The following CADM2 variants were observed in gnomAD, a reference collection of about 807,000 sequenced individuals.
CADM2 encodes immunoglobulin superfamily member 4D.
In CADM2, 12 loss-of-function variants were observed where a neutral mutation model predicts 49.8. The ratio of observed to expected loss-of-function variants is 0.24; its 90% CI spans 0.15 to 0.39. CADM2 has a LOEUF of 0.39. Ranked by LOEUF, CADM2 falls within the 10% of genes least tolerant of loss-of-function variation. The pLI, the probability that CADM2 is intolerant of heterozygous loss-of-function variation, is 1.00. For synonymous variants in CADM2, 214 were observed against 175.4 expected (o/e 1.22, Z -1.74); for missense variants, 378 against 492.3 (o/e 0.77, Z 2.20).
intron 1 of CADM2, among the ~76,000 whole-genome samples, chr3:84,993,683 G>T (rs1348957962): frequency 6.6e-6 from 1 of 152,152 alleles, no homozygotes; most frequent in Admixed American, 6.5e-5. Flanking sequence ...GATATGAACT[G>T]TTGTATTTCT....
intron 1 of CADM2, among the ~76,000 whole-genome samples, chr3:85,333,555 T>C (rs987399936): frequency 2.0e-5 from 3 of 151,798 alleles, no homozygotes; most frequent in Admixed American, 2.0e-4. Flanking sequence ...TGTTTGCACA[T>C]TAAATGAAGA....
intron 1 of CADM2, among the ~76,000 whole-genome samples, chr3:85,488,973 A>G (rs1180390121): frequency 2.6e-5 from 4 of 152,066 alleles, no homozygotes; most frequent in African/African-American, 4.8e-5. Context: ...CATCACTACT[A>G]AAATTATTTT....
chr3:85,610,000 G>A (rs1267815900), intron 1 of CADM2, among the ~76,000 whole-genome samples: 5 of 151,656 alleles, frequency 3.3e-5, no homozygotes, highest in South Asian at 2.1e-4. Context: ...TAATATTTCC[G>A]CTGTATTTAT....
At chr3:85,832,188 TG>T (rs2074216090) in intron 3 of CADM2, among the ~76,000 whole-genome samples, 3 of 151,958 alleles carry the variant, frequency 2.0e-5, no homozygotes, top group Admixed American at 2.0e-4. Flanking sequence ...CATTGCTGTG[TG>T]TGTCTGTTTT....
At chr3:85,476,930 A>G (rs904690294) in intron 1 of CADM2, among the ~76,000 whole-genome samples, 1 of 144,002 alleles carries the variant, frequency 6.9e-6, no homozygotes, top group Non-Finnish European at 1.5e-5. Flanking sequence ...ACACACACAG[A>G]TCTATTTTCT....
intron 8 of CADM2, among the ~76,000 whole-genome samples, chr3:85,983,583 A>G (rs1378480612): frequency 1.3e-5 from 2 of 151,758 alleles, no homozygotes; most frequent in African/African-American, 4.8e-5. Context: ...CGTTTTAGTA[A>G]AACAAACATG....
At chr3:85,120,680 G>T (rs1173189050) in intron 1 of CADM2, among the ~76,000 whole-genome samples, 2 of 152,148 alleles carry the variant, frequency 1.3e-5, no homozygotes, top group African/African-American at 4.8e-5. Flanking sequence ...CCTCCTGGGG[G>T]GTAGGGGGCC....
At chr3:86,019,816 G>A (rs1307257228) in intron 8 of CADM2, among the ~76,000 whole-genome samples, 8 of 151,964 alleles carry the variant, frequency 5.3e-5, no homozygotes, top group Admixed American at 1.3e-4. Flanking sequence ...CAATCATGTC[G>A]TCTGCAAACA....
chr3:85,961,452 A>G lies in CADM2; in HGVS notation c.792-17A>G. 1 of 1,554,444 alleles carries G rather than the reference A, an allele frequency of 6.4e-7. No individual in the cohort carries two copies. Among genetic ancestry groups the G allele is most frequent in the Non-Finnish European group, 8.8e-7 (1 of 1,141,424 alleles). ...TTTCTTATTTTTGCTATCTACATGC[A>G]TGTTTCAATCCAATAGGCCAGAACC... On this transcript the variant is annotated splice_polypyrimidine_tract_variant and intron_variant, in intron 7 of 9. Coordinates refer to ENST00000383699, the MANE Select transcript of CADM2 (RefSeq NM_001167675.2).
At chr3:85,628,517 A>ATG (rs1379131332) in intron 1 of CADM2, among the ~76,000 whole-genome samples, 1 of 148,844 alleles carries the variant, frequency 6.7e-6, no homozygotes, top group East Asian at 2.0e-4. Context: ...ATATACATAT[A>ATG]TATATATACA....
At chr3:85,860,714 A>G (rs909784668) in intron 3 of CADM2, among the ~76,000 whole-genome samples, 1 of 152,178 alleles carries the variant, frequency 6.6e-6, no homozygotes, top group Non-Finnish European at 1.5e-5. Context: ...TCCTAGCTCC[A>G]AAAGTCATCC....
chr3:85,621,730 A>G (rs896291265), intron 1 of CADM2, among the ~76,000 whole-genome samples: 3 of 152,136 alleles, frequency 2.0e-5, no homozygotes, highest in Non-Finnish European at 4.4e-5. Context: ...TGGATAATGA[A>G]CACACGGTTT....
intron 1 of CADM2, among the ~76,000 whole-genome samples, chr3:85,514,236 A>G (rs972123768): frequency 6.6e-6 from 1 of 152,050 alleles, no homozygotes; most frequent in Non-Finnish European, 1.5e-5. Context: ...CACATTACAC[A>G]AAGAGTTGTA....
chr3:84,983,817 G>A (rs2032358868), intron 1 of CADM2, among the ~76,000 whole-genome samples: 1 of 151,884 alleles, frequency 6.6e-6, no homozygotes, highest in African/African-American at 2.4e-5. Context: ...TTCATTCTTG[G>A]AATTTCAATA....
At chr3:85,709,873 A>C (rs1350142399) in intron 1 of CADM2, among the ~76,000 whole-genome samples, 2 of 152,128 alleles carry the variant, frequency 1.3e-5, no homozygotes, top group African/African-American at 4.8e-5. Context: ...TGAGGTTTTA[A>C]GGAGGAGTAG....
chr3:85,609,867 A>G (rs1306237032), intron 1 of CADM2, among the ~76,000 whole-genome samples: 1 of 152,060 alleles, frequency 6.6e-6, no homozygotes, highest in Non-Finnish European at 1.5e-5. Context: ...TTTAGAAGGA[A>G]AATCAAAAGA....
intron 1 of CADM2, among the ~76,000 whole-genome samples, chr3:85,068,781 AT>A (rs5850664): frequency 1.7e-4 from 25 of 149,164 alleles, no homozygotes; most frequent in East Asian, 3.9e-4. Flanking sequence ...TATTTATTTA[AT>A]TTTTTTTTTG....
At chr3:85,989,906 A>C (rs1419329457) in intron 8 of CADM2, among the ~76,000 whole-genome samples, 1 of 147,486 alleles carries the variant, frequency 6.8e-6, no homozygotes, top group Admixed American at 6.8e-5. Flanking sequence ...CCAGCTACTC[A>C]GGAGGCTGAG....
chr3:85,452,768 A>G (rs559095252), intron 1 of CADM2, among the ~76,000 whole-genome samples: 1 of 152,288 alleles, frequency 6.6e-6, no homozygotes, highest in Admixed American at 6.5e-5. Flanking sequence ...GTGATTCGCT[A>G]CACAGTGTTC....
Sources: allele counts gnomAD v4.1 joint callset (sites outside exome capture counted in the v4.1 genomes callset), GRCh38; gene constraint gnomAD v4.1.1; transcripts MANE v1.5; gene names NCBI Gene and HGNC (gene_info 2026-07-23, HGNC 2026-07-21).